The following TMEM38B variants were observed in gnomAD, a reference collection of about 807,000 sequenced individuals.
TMEM38B encodes transmembrane protein 38B.
In TMEM38B, 24 loss-of-function variants were observed where a neutral mutation model predicts 28.7. The ratio of observed to expected loss-of-function variants is 0.84; its 90% CI spans 0.61 to 1.18. TMEM38B has a LOEUF of 1.18. Among genes scored for constraint, TMEM38B ranks in the 50% most tolerant of loss-of-function variants. The pLI is 0.00. For missense variants in TMEM38B, 380 were observed against 350.9 expected (o/e 1.08, Z -0.66); for synonymous variants, 131 against 127.7 (o/e 1.03, Z -0.17).
intron 5 of TMEM38B, among the ~76,000 whole-genome samples, chr9:105,771,395 A>G (rs1826538359): frequency 6.6e-6 from 1 of 152,294 alleles, no homozygotes; most frequent in African/African-American, 2.4e-5. Context: ...ATACTTCTCA[A>G]CTGAGTGATG....
At chr9:105,707,909 A>G (rs1464204783) in intron 2 of TMEM38B, among the ~76,000 whole-genome samples, 1 of 152,300 alleles carries the variant, frequency 6.6e-6, no homozygotes, top group Admixed American at 6.5e-5. Context: ...TTTTATTTCT[A>G]TAACAATATT....
intron 4 of TMEM38B, among the ~76,000 whole-genome samples, chr9:105,736,751 G>A (rs1242615875): frequency 6.6e-6 from 1 of 152,162 alleles, no homozygotes; most frequent in East Asian, 1.9e-4. Context: ...TTTACATAGT[G>A]GTTTTCATAG....
intron 4 of TMEM38B, among the ~76,000 whole-genome samples, chr9:105,738,065 A>G (rs1480937207): frequency 6.6e-6 from 1 of 152,126 alleles, no homozygotes; most frequent in Non-Finnish European, 1.5e-5. Context: ...ACAGAGCAGG[A>G]TGCACTCCCA....
intron 2 of TMEM38B, among the ~76,000 whole-genome samples, chr9:105,716,645 A>AGAGC (rs879494811): frequency 0.18 from 27,355 of 151,730 alleles, 3,529 homozygotes; most frequent in East Asian, 0.46. Flanking sequence ...GAATCCACTT[A>AGAGC]TGTGCAGATT....
rs755869554 is a variant in TMEM38B at position 105,694,763 on chromosome 9, C to A, written c.103C>A (p.Arg35Ser). Reference sequence around the variant, plus strand: ...TCTAGTGTCAGTGATGGCGGTGAAACGTCAGCCGGGTGAGTGCGGGGCGCC... The same window carrying A: ...TCTAGTGTCAGTGATGGCGGTGAAAAGTCAGCCGGGTGAGTGCGGGGCGCC... ...HYLVSVMAVKRQPGAAALAWK... is the reference protein window; with the variant it reads ...HYLVSVMAVKSQPGAAALAWK... Residue 35 changes from arginine to serine, a missense_variant, in exon 1 of 6, where the codon CGT (arginine) becomes AGT (serine). By Grantham distance (110) the Arg-to-Ser change is moderately radical (BLOSUM62 -1). Coordinates refer to ENST00000374692, the MANE Select transcript of TMEM38B (RefSeq NM_018112.3). 7.2e-6 allele frequency: 11 copies of A among 1,536,302 alleles called. No individual in the cohort carries two copies. The East Asian group carries it at 2.7e-4, about 37-fold the overall frequency.
chr9:105,758,923 C>G (rs1387985066), intron 5 of TMEM38B: 18 of 1,359,142 alleles, frequency 1.3e-5, no homozygotes, highest in Non-Finnish European at 1.7e-5. Context: ...TACCTGCAAA[C>G]CATTTTAGGT....
intron 4 of TMEM38B, among the ~76,000 whole-genome samples, chr9:105,737,327 G>A (rs1837020110): frequency 6.9e-6 from 1 of 145,784 alleles, no homozygotes; most frequent in South Asian, 2.1e-4. Context: ...TGCTCCAGAG[G>A]CCTGAGTCGC....
At chr9:105,760,668 T>C (rs1838008939) in intron 5 of TMEM38B, 1 of 1,018,978 alleles carries the variant, frequency 9.8e-7, no homozygotes. Context: ...CCACGGAGAT[T>C]GAAGCAGCAC....
intron 4 of TMEM38B, among the ~76,000 whole-genome samples, chr9:105,737,467 T>C (rs976218034): frequency 2.0e-5 from 3 of 152,174 alleles, no homozygotes; most frequent in Non-Finnish European, 2.9e-5. Flanking sequence ...TGTCAGGCCA[T>C]GTGCAGCAAC....
intron 4 of TMEM38B, among the ~76,000 whole-genome samples, chr9:105,726,153 T>C (rs1484821583): frequency 6.6e-6 from 1 of 152,146 alleles, no homozygotes; most frequent in African/African-American, 2.4e-5. Context: ...AATTCTACTC[T>C]TTTAGTTATT....
chr9:105,768,169 T>G (rs1826435519), intron 5 of TMEM38B, among the ~76,000 whole-genome samples: 1 of 152,172 alleles, frequency 6.6e-6, no homozygotes, highest in Non-Finnish European at 1.5e-5. Context: ...TGCTTTCTTC[T>G]GTATCATTTA....
chr9:105,717,509 C>T (rs1286865417), intron 2 of TMEM38B, among the ~76,000 whole-genome samples: 1 of 152,020 alleles, frequency 6.6e-6, no homozygotes, highest in African/African-American at 2.4e-5. Context: ...AATTCTGTTA[C>T]GGTAAATACT....
At chr9:105,708,427 C>G (rs1260518522) in intron 2 of TMEM38B, among the ~76,000 whole-genome samples, 2 of 152,070 alleles carry the variant, frequency 1.3e-5, no homozygotes, top group Non-Finnish European at 2.9e-5. Flanking sequence ...GAAGGAGAAT[C>G]CTGAAACCAG....
chr9:105,719,575 AC>A (rs1279184972), intron 2 of TMEM38B, among the ~76,000 whole-genome samples: 11 of 152,148 alleles, frequency 7.2e-5, no homozygotes, highest in Admixed American at 6.5e-4. Flanking sequence ...CCCTGTGGCT[AC>A]TTAACTCTCA....
chr9:105,705,866 G>T, intron 2 of TMEM38B, 113 bp downstream of exon 2: 2 of 1,126,394 alleles, frequency 1.8e-6, no homozygotes, highest in African/African-American at 1.6e-5. Flanking sequence ...AAAAGTTAAT[G>T]CATCTGCAAG....
intron 5 of TMEM38B, among the ~76,000 whole-genome samples, chr9:105,756,367 A>G (rs902608332): frequency 9.2e-5 from 14 of 152,092 alleles, no homozygotes; most frequent in African/African-American, 3.4e-4. Flanking sequence ...TCTTAGGGAG[A>G]AAGCATTTGG....
chr9:105,745,239 C>G (rs1837344595), intron 4 of TMEM38B, among the ~76,000 whole-genome samples: 3 of 152,216 alleles, frequency 2.0e-5, no homozygotes, highest in African/African-American at 4.8e-5. Flanking sequence ...CACATCCTCT[C>G]CAGCACCTGT....
intron 4 of TMEM38B, among the ~76,000 whole-genome samples, chr9:105,745,419 C>T (rs528648591): frequency 1.3e-3 from 201 of 152,310 alleles, no homozygotes; most frequent in African/African-American, 4.6e-3. Context: ...CCTTCGCTCA[C>T]TTGTTGATGG....
intron 4 of TMEM38B, among the ~76,000 whole-genome samples, chr9:105,739,064 A>G (rs759355337): frequency 1.3e-5 from 2 of 151,948 alleles, no homozygotes; most frequent in Non-Finnish European, 1.5e-5. Flanking sequence ...GCTCACCTTC[A>G]TTCTTTTGTA....
Sources: allele counts gnomAD v4.1 joint callset (sites outside exome capture counted in the v4.1 genomes callset), GRCh38; gene constraint gnomAD v4.1.1; transcripts MANE v1.5; gene names NCBI Gene and HGNC (gene_info 2026-07-23, HGNC 2026-07-21).